Variants in LRRN3 observed in about 807,000 individuals in gnomAD.
LRRN3 encodes leucine rich repeat neuronal 3.
In LRRN3, 15 loss-of-function variants were observed where a neutral mutation model predicts 40.1. The observed-to-expected ratio is 0.37, with a 90% CI of 0.25 to 0.58. LRRN3 has a LOEUF of 0.58. Ranked by LOEUF, LRRN3 falls within the 20% of genes least tolerant of loss-of-function variation. The probability of loss-of-function intolerance (pLI) is 0.72; values close to 1 mark genes in which losing one functional copy is unlikely to be tolerated. For missense variants in LRRN3, 746 were observed against 837.7 expected, an observed-to-expected ratio of 0.89 and a Z score of 1.35; for synonymous variants, 308 against 297.2, an observed-to-expected ratio of 1.04 and a Z score of -0.37.
Position 111,094,464 on chromosome 7 carries a change from G to T in LRRN3, c.-441+2960G>T, listed in dbSNP as rs541502308. On this transcript the variant is annotated intron_variant, in intron 1 of 2. Coordinates refer to ENST00000308478, the MANE Select transcript of LRRN3 (RefSeq NM_001099658.2). ...CAGTCTGAAGAAACACTAGACATGTGTACAGCACACTAAAATGTTCCATGT... is the reference window on the plus strand; with the variant it reads ...CAGTCTGAAGAAACACTAGACATGTTTACAGCACACTAAAATGTTCCATGT... Among the ~76,000 whole-genome samples the T allele has an allele frequency of 3.0e-4, 45 of 152,222 alleles. 1 individual carries two copies. In the South Asian group the frequency reaches 9.1e-3, roughly 31 times the overall value.
At position 111,124,217 on chromosome 7, in the gene LRRN3, A is replaced by T; in HGVS notation, c.1445A>T (p.Asp482Val). The T allele has an allele frequency of 6.2e-7, 1 of 1,614,000 alleles. No homozygotes were observed. Among genetic ancestry groups the T allele is most frequent in the Non-Finnish European group, 8.5e-7 (1 of 1,179,954 alleles). The change falls in exon 3 of 3, where the codon GAT (aspartate) becomes GTT (valine). Residue 482 changes from aspartate (D) to valine (V), a missense_variant. Transcript: ENST00000308478. Reference protein sequence around the residue: ...KFYVHSEGTLDINGVTPKEGG... With the variant: ...KFYVHSEGTLVINGVTPKEGG... Reference sequence around the variant, plus strand: ...TATGTCCATTCTGAGGGAACACTAGATATAAATGGCGTAACTCCCAAAGAA... The same window carrying T: ...TATGTCCATTCTGAGGGAACACTAGTTATAAATGGCGTAACTCCCAAAGAA...
intron 2 of LRRN3, among the ~76,000 whole-genome samples, chr7:111,121,958 C>T (rs994133204): frequency 2.0e-5 from 3 of 151,848 alleles, no homozygotes; most frequent in Non-Finnish European, 2.9e-5. Context: ...AATCATCATT[C>T]TCAGCAAACT....
At chr7:111,114,596 T>C (rs214875) in intron 2 of LRRN3, among the ~76,000 whole-genome samples, 135,875 of 151,830 alleles carry the variant, frequency 0.89, 60,890 homozygotes, top group East Asian at 0.94. Context: ...ATTCGCTGGG[T>C]GTGGTGGCAG....
chr7:111,096,959 A>C (rs986219932), intron 1 of LRRN3: 5 of 151,880 alleles, frequency 3.3e-5, no homozygotes, highest in African/African-American at 1.2e-4. Flanking sequence ...AGTAATATAG[A>C]CCTTAAAATG....
intron 2 of LRRN3, among the ~76,000 whole-genome samples, chr7:111,111,942 G>GTTTTTTTTTTTTTT (rs748410980): frequency 3.6e-5 from 3 of 84,126 alleles, no homozygotes; most frequent in African/African-American, 9.9e-5. Flanking sequence ...TATATAGTTT[G>GTTTTTTTTTTTTTT]TTTTTTTTTT....
chr7:111,118,139 T>C (rs1800120003), intron 2 of LRRN3, among the ~76,000 whole-genome samples: 1 of 152,142 alleles, frequency 6.6e-6, no homozygotes, highest in Non-Finnish European at 1.5e-5. Context: ...GTAAATCAAA[T>C]CTACTGTGCA....
intron 1 of LRRN3, among the ~76,000 whole-genome samples, chr7:111,093,887 CT>C (rs1235871223): frequency 6.6e-6 from 1 of 152,108 alleles, no homozygotes; most frequent in Non-Finnish European, 1.5e-5. Context: ...CAGGGTGTCG[CT>C]TGTCACAGGC....
intron 1 of LRRN3, among the ~76,000 whole-genome samples, chr7:111,091,904 G>A (rs956124964): frequency 2.0e-5 from 3 of 151,954 alleles, no homozygotes; most frequent in African/African-American, 7.3e-5. Context: ...GGAGAGTCAC[G>A]GGTGATGGGG....
chr7:111,114,482 AAT>A (rs1799612478), intron 2 of LRRN3, among the ~76,000 whole-genome samples: 1 of 152,186 alleles, frequency 6.6e-6, no homozygotes, highest in Admixed American at 6.5e-5. Flanking sequence ...CCACACCTGT[AAT>A]CCCAGCACTT....
At chr7:111,111,656 T>C (rs878953762) in intron 2 of LRRN3, among the ~76,000 whole-genome samples, 3 of 152,018 alleles carry the variant, frequency 2.0e-5, no homozygotes, top group Admixed American at 2.0e-4. Context: ...AATCAACTAA[T>C]GTCCCCCCCT....
chr7:111,093,035 C>G (rs1797026597), intron 1 of LRRN3, among the ~76,000 whole-genome samples: 1 of 152,136 alleles, frequency 6.6e-6, no homozygotes, highest in East Asian at 1.9e-4. Context: ...GCCACTTTCC[C>G]ATAAATGTGT....
chr7:111,115,625 A>G (rs1799790194), intron 2 of LRRN3, among the ~76,000 whole-genome samples: 1 of 151,918 alleles, frequency 6.6e-6, no homozygotes, highest in Non-Finnish European at 1.5e-5. Flanking sequence ...TATTAGGGTG[A>G]GACATTTGCA....
chr7:111,123,341 T>C lies in LRRN3; in HGVS notation c.569T>C (p.Leu190Pro). The change falls in exon 3 of 3, where the codon CTA becomes CCA. Residue 190 changes from leucine to proline, a missense_variant. Transcript: ENST00000308478. This position sits in a 1 kb window ranked among gnomAD's most constrained non-coding sequence, Gnocchi z 6.4. ...AAGTGGTTTGATGCTCTTCCAAATC[T>C]AGAGATTCTGATGATTGGGGAAAAT... ...NSKWFDALPN[L>P]EILMIGENPI... 2.5e-6 allele frequency: 4 copies of C among 1,613,770 alleles called. No individual in the cohort carries two copies. The highest frequency in any genetic ancestry group is 3.4e-6 in the Non-Finnish European group (4 of 1,179,868).
Position 111,124,536 on chromosome 7 carries a change from G to C in LRRN3, c.1764G>C (p.Glu588Asp), listed in dbSNP as rs1274642308. ...YNLTHLNPST[E>D]YKICIDIPTI... is the part of the protein sequence containing the mutation. ...TTACTCATCTGAATCCATCAACTGA[G>C]TATAAAATTTGTATTGATATTCCCA... Residue 588 changes from glutamate to aspartate, a missense_variant, in exon 3 of 3, where the codon GAG becomes GAC. Glu to Asp is a conservative substitution (Grantham distance 45). Coordinates refer to ENST00000308478, the MANE Select transcript of LRRN3 (RefSeq NM_001099658.2). 2 of 1,613,644 alleles carry C rather than the reference G, an allele frequency of 1.2e-6. No individual in the cohort carries two copies. The highest frequency in any genetic ancestry group is 2.2e-5 in the South Asian group (2 of 91,074).
Position 111,124,489 on chromosome 7 carries a change from T to G in LRRN3, c.1717T>G (p.Ser573Ala). Reference protein sequence around the residue: ...SHAAQSARIPSDVKVYNLTHL... With the variant: ...SHAAQSARIPADVKVYNLTHL... ...TGCTGCGCAAAGTGCTCGAATACCA[T>G]CTGATGTCAAGGTATATAATCTTAC... The change falls in exon 3 of 3, where the codon TCT becomes GCT. Residue 573 changes from serine (S) to alanine (A), a missense_variant. By Grantham distance (99) the Ser-to-Ala change is moderately conservative. Transcript: ENST00000308478. 6.2e-7 allele frequency: 1 copy of G among 1,613,976 alleles called. No individual in the cohort carries two copies. The highest frequency in any genetic ancestry group is 8.5e-7 in the Non-Finnish European group (1 of 1,179,984).
chr7:111,092,371 G>T lies in LRRN3; in HGVS notation c.-441+867G>T, dbSNP rs184891018. ...AACCAACTGCTATATTCCCTTTGCT[G>T]TTGTTGAGCTGGATGGCTTAATTCG... On this transcript the variant is annotated intron_variant, in intron 1 of 2. Coordinates refer to ENST00000308478, the MANE Select transcript of LRRN3 (RefSeq NM_001099658.2). 4.0e-4 allele frequency among the ~76,000 whole-genome samples: 61 copies of T among 152,252 alleles called. No homozygotes were observed. The South Asian group carries it at 6.2e-3, about 16-fold the overall frequency.
At chr7:111,102,060 T>C (rs188077661) in intron 2 of LRRN3, among the ~76,000 whole-genome samples, 1 of 151,226 alleles carries the variant, frequency 6.6e-6, no homozygotes, top group Admixed American at 6.6e-5. Context: ...ATGAGTGAAC[T>C]CTACACTGCC....
rs1313570331 is a variant in LRRN3, at chr7:111,124,967, AAAAAC to A, written c.*82_*86del. The A allele has an allele frequency of 1.6e-5, 18 of 1,125,840 alleles. No homozygotes were observed. The highest frequency in any genetic ancestry group is 2.5e-5 in the East Asian group (1 of 39,936). 69.7% of individuals were successfully genotyped at this position (1,125,840 alleles called of 1,614,324 possible). A position where few individuals can be genotyped will look rare whatever the true frequency, so the allele number is the denominator to read the frequency against. ...AAAAGCGAAAGACTGCAGTTGTGCT[AAAAAC>A]AAAACAAAACAAACAAACAAACAAA... On this transcript the variant is annotated 3_prime_UTR_variant, in exon 3 of 3. Coordinates refer to ENST00000308478, the MANE Select transcript of LRRN3 (RefSeq NM_001099658.2).
rs747309405 is a variant in LRRN3, at chr7:111,124,451, C to G, written c.1679C>G (p.Thr560Ser). The change falls in exon 3 of 3, where the codon ACT becomes AGT. Residue 560 changes from threonine (T) to serine (S), a missense_variant. Physicochemically the swap from Thr to Ser is moderately conservative, Grantham distance 58. Coordinates refer to ENST00000308478, the MANE Select transcript of LRRN3 (RefSeq NM_001099658.2). ...GTTAAATGGACAGCCTTTGTCAAGACTGAAAATTCTCATGCTGCGCAAAGT... is the reference window on the plus strand; with the variant it reads ...GTTAAATGGACAGCCTTTGTCAAGAGTGAAAATTCTCATGCTGCGCAAAGT... ...SSVKWTAFVK[T>S]ENSHAAQSAR... The G allele has an allele frequency of 8.7e-6, 14 of 1,613,736 alleles. No individual in the cohort carries two copies. The Admixed American group carries it at 2.3e-4, about 27-fold the overall frequency.
Sources: gnomAD v4.1 joint callset for allele counts (sites outside exome capture counted in the v4.1 genomes callset) on GRCh38, gnomAD v4.1.1 for gene constraint, Gnocchi (gnomAD v3.1) non-coding constraint, MANE v1.5 for transcripts, NCBI Gene and HGNC (gene_info 2026-07-23, HGNC 2026-07-21) for gene names.